PAFAH2: variants seen among roughly 807,000 people sequenced by gnomAD.
The protein encoded by PAFAH2 is platelet-activating factor acetylhydrolase 2, cytoplasmic.
In PAFAH2, 42 loss-of-function variants were observed where a neutral mutation model predicts 49.0. The ratio of observed to expected loss-of-function variants is 0.86; its 90% confidence interval spans 0.67 to 1.11. The LOEUF is 1.11. PAFAH2 is among the 50% of genes least tolerant of loss of function. The pLI is 0.00. For missense variants in PAFAH2, 503 were observed against 501.8 expected, an observed-to-expected ratio of 1.00 and a Z score of -0.02; for synonymous variants, 184 against 181.3, an observed-to-expected ratio of 1.01 and a Z score of -0.12.
At position 25,976,784 on chromosome 1, in the gene PAFAH2, T is replaced by G. The variant is rs770998320; in HGVS notation, c.667-11A>C. 8 of 1,610,450 alleles carry G rather than the reference T, an allele frequency of 5.0e-6. No individual in the cohort carries two copies. The African/African-American group carries it at 1.1e-4, about 22-fold the overall frequency. On this transcript the variant is annotated splice_polypyrimidine_tract_variant and intron_variant, in intron 7 of 10. Coordinates refer to ENST00000374282, the MANE Select transcript of PAFAH2 (RefSeq NM_000437.4). ...CATGTCAATGTTGCCCTGAGGAAAG[T>G]GGAGAACTTAGCCAAGTCAGAAACT...
chr1:25,991,320 T>TGCTA (rs542205065), intron 1 of PAFAH2, among the ~76,000 whole-genome samples: 133 of 152,084 alleles, frequency 8.7e-4, no homozygotes, highest in African/African-American at 3.0e-3. Flanking sequence ...CTCGCTCTGT[T>TGCTA]GCTAGGCTGG....
intron 1 of PAFAH2, among the ~76,000 whole-genome samples, chr1:25,992,962 G>A (rs989976203): frequency 2.6e-5 from 4 of 152,204 alleles, no homozygotes; most frequent in African/African-American, 9.7e-5. Context: ...ATGTGCAGAT[G>A]TCACCTGTCA....
intron 8 of PAFAH2, 93 bp from the exon 9 acceptor site, chr1:25,974,743 T>G (rs1410508631): frequency 2.4e-6 from 3 of 1,261,156 alleles, no homozygotes; most frequent in East Asian, 5.1e-5. Context: ...CTCCCTCTGG[T>G]GGGGTAAAGG....
intron 3 of PAFAH2, 91 bp downstream of exon 3, chr1:25,989,357 G>T: frequency 8.1e-7 from 1 of 1,234,388 alleles, no homozygotes; most frequent in East Asian, 2.7e-5. Flanking sequence ...CCTGGACACT[G>T]CAGGCTATAA....
At chr1:25,987,636 T>A (rs546681410) in intron 4 of PAFAH2, among the ~76,000 whole-genome samples, 3 of 152,072 alleles carry the variant, frequency 2.0e-5, no homozygotes, top group Admixed American at 6.5e-5. Flanking sequence ...CTCAGCACTT[T>A]TGGAAGGCTA....
chr1:25,962,150 T>A (rs577510074), intron 10 of PAFAH2, 67 bp from the exon 11 acceptor site: 29 of 1,303,112 alleles, frequency 2.2e-5, no homozygotes. Context: ...GTAGCTGACA[T>A]GCATTGAAGG....
chr1:25,989,633 C>A, intron 2 of PAFAH2, 32 bp from the exon 3 acceptor site: 2 of 1,449,076 alleles, frequency 1.4e-6, no homozygotes, highest in East Asian at 2.6e-5. Context: ...CTGCTCAGAG[C>A]AAGGAGCCCA....
chr1:25,975,651 T>G (rs1251002524), intron 8 of PAFAH2, among the ~76,000 whole-genome samples: 1 of 152,070 alleles, frequency 6.6e-6, no homozygotes, highest in Non-Finnish European at 1.5e-5. Context: ...TCCTGAAAAC[T>G]CTAAGACATA....
rs2049526743 is a variant in PAFAH2, at chr1:25,972,638, T to C, written c.1004A>G (p.Glu335Gly). 6.2e-7 allele frequency: 1 copy of C among 1,613,730 alleles called. No individual in the cohort carries two copies. The highest frequency in any genetic ancestry group is 8.5e-7 in the Non-Finnish European group (1 of 1,179,792). The change falls in exon 10 of 11, where the codon GAA becomes GGA. Residue 335 changes from glutamate to glycine, a missense_variant. Coordinates refer to ENST00000374282, the MANE Select transcript of PAFAH2 (RefSeq NM_000437.4). ...GNLIGKFFST[E>G]TRGSLDPYEG... is the part of the protein sequence containing the mutation. ...ATAGGGGTCCAGGCTCCCACGGGTT[T>C]CAGTGGAGAAGAATTTACCAATCAA...
chr1:25,993,388 C>T (rs760132150), intron 1 of PAFAH2, among the ~76,000 whole-genome samples: 6 of 152,052 alleles, frequency 3.9e-5, no homozygotes, highest in Non-Finnish European at 7.4e-5. Flanking sequence ...TCCCCTTCTC[C>T]GCGTACATAC....
chr1:25,961,380 C>T lies in PAFAH2; in HGVS notation c.*609G>A, dbSNP rs1173485129. The stretch of plus-strand genomic sequence containing the variant: ...GCCATGCTGTCTGCCACTCTGTGGG[C>T]TCACAAGTATAACTTACTACTGTAA... On this transcript the variant is annotated 3_prime_UTR_variant, in exon 11 of 11. Coordinates refer to ENST00000374282, the MANE Select transcript of PAFAH2 (RefSeq NM_000437.4). 6.6e-6 allele frequency: 1 copy of T among 152,132 alleles called. No homozygotes were observed. The highest frequency in any genetic ancestry group is 1.9e-4 in the East Asian group (1 of 5,190). 9.4% of individuals were successfully genotyped at this position (152,132 alleles called of 1,614,324 possible).
chr1:25,965,817 CAAAAAAAAAAAAAA>C (rs56272061), intron 10 of PAFAH2, among the ~76,000 whole-genome samples: 1 of 17,362 alleles, frequency 5.8e-5, no homozygotes, highest in East Asian at 2.3e-3. Context: ...GACTTTGTCT[CAAAAAAAAAAAAAA>C]AAAAAAAAAA....
chr1:25,965,425 A>G (rs890523663), intron 10 of PAFAH2, among the ~76,000 whole-genome samples: 1 of 152,244 alleles, frequency 6.6e-6, no homozygotes, highest in Non-Finnish European at 1.5e-5. Context: ...AAGCTTATGT[A>G]CCACAAAAGA....
intron 1 of PAFAH2, among the ~76,000 whole-genome samples, chr1:25,995,841 A>G (rs894725857): frequency 2.0e-5 from 3 of 152,202 alleles, no homozygotes; most frequent in Non-Finnish European, 4.4e-5. Flanking sequence ...TGCTTTCCCC[A>G]TATAGTTGGG....
intron 8 of PAFAH2, among the ~76,000 whole-genome samples, chr1:25,975,413 T>TAA (rs112299425): frequency 1.4e-5 from 2 of 147,172 alleles, no homozygotes; most frequent in African/African-American, 5.0e-5. Context: ...CACCATCTCT[T>TAA]AAAAAAAAAA....
At chr1:25,988,133 T>C (rs2049811053) in intron 4 of PAFAH2, 98 bp downstream of exon 4, 1 of 746,816 alleles carries the variant, frequency 1.3e-6, no homozygotes. Context: ...AGCTAGCAGA[T>C]GGAAATGTCT....
chr1:25,973,453 A>G (rs2049539616), intron 9 of PAFAH2, among the ~76,000 whole-genome samples: 1 of 152,198 alleles, frequency 6.6e-6, no homozygotes, highest in Admixed American at 6.5e-5. Context: ...GTATAGAATA[A>G]TATATGGGAT....
chr1:25,993,349 A>T (rs2049899846), intron 1 of PAFAH2, among the ~76,000 whole-genome samples: 1 of 152,116 alleles, frequency 6.6e-6, no homozygotes, highest in South Asian at 2.1e-4. Flanking sequence ...CTAAGGGAGC[A>T]TTTCCGTCAA....
At chr1:25,988,081 G>A (rs2049809930) in intron 4 of PAFAH2, 150 bp downstream of exon 4, 1 of 576,382 alleles carries the variant, frequency 1.7e-6, no homozygotes. Flanking sequence ...TCTGGGGAAG[G>A]TGAACCCAAT....
Sources: gnomAD v4.1 joint callset for allele counts (sites outside exome capture counted in the v4.1 genomes callset) on GRCh38, gnomAD v4.1.1 for gene constraint, MANE v1.5 for transcripts, NCBI Gene and HGNC (gene_info 2026-07-23, HGNC 2026-07-21) for gene names.